STAU2: variants seen among roughly 807,000 people sequenced by gnomAD.
STAU2 encodes the protein staufen double-stranded RNA binding protein 2, also known as double-stranded RNA-binding protein Staufen homolog 2.
In STAU2, 20 loss-of-function variants were observed where a neutral mutation model predicts 65.9. The ratio of observed to expected loss-of-function variants is 0.30; its 90% CI spans 0.21 to 0.44. The LOEUF (loss-of-function observed/expected upper bound fraction) is 0.44, where lower values mean the gene tolerates loss of function less well. Ranked by LOEUF, STAU2 falls within the 20% of genes least tolerant of loss-of-function variation. The probability of loss-of-function intolerance (pLI) is 1.00; values close to 1 mark genes in which losing one functional copy is unlikely to be tolerated. For synonymous variants in STAU2, 232 were observed against 233.9 expected (o/e 0.99, Z 0.07); for missense variants, 558 against 683.9 (o/e 0.82, Z 2.05).
At chr8:73,588,631 G>A (rs1407404435) in intron 11 of STAU2, among the ~76,000 whole-genome samples, 1 of 152,170 alleles carries the variant, frequency 6.6e-6, no homozygotes. Context: ...GGCAAAGGCA[G>A]GAAATTCTCT....
intron 12 of STAU2, among the ~76,000 whole-genome samples, chr8:73,580,647 A>G (rs1344623417): frequency 6.6e-6 from 1 of 152,252 alleles, no homozygotes; most frequent in African/African-American, 2.4e-5. Flanking sequence ...CATCTGAATG[A>G]TCAATTCCTA....
intron 5 of STAU2, among the ~76,000 whole-genome samples, chr8:73,675,933 G>C (rs1818004469): frequency 6.6e-6 from 1 of 152,098 alleles, no homozygotes; most frequent in Non-Finnish European, 1.5e-5. Context: ...ATATTAAGGG[G>C]TAATGGGACA....
Position 73,577,270 on chromosome 8 carries a change from T to C in STAU2, c.1222+5500A>G, listed in dbSNP as rs187367809. On this transcript the variant is annotated intron_variant, in intron 12 of 14. Transcript: ENST00000524300. ...AATGAAACCCCGTCTCTACTAAAAA[T>C]ACAAAAAATTAGCCGGGCGTGGTGG... Among the ~76,000 whole-genome samples, 534 of 151,806 alleles carry C rather than the reference T, an allele frequency of 3.5e-3. 20 individuals carry two copies. In the East Asian group the frequency reaches 0.078, roughly 22 times the overall value.
intron 5 of STAU2, among the ~76,000 whole-genome samples, chr8:73,688,074 A>C (rs1354053477): frequency 6.6e-6 from 1 of 151,926 alleles, no homozygotes; most frequent in African/African-American, 2.4e-5. Context: ...GTATTCAAAT[A>C]TGTTTTTGCC....
chr8:73,687,534 A>G (rs57218396), intron 5 of STAU2, among the ~76,000 whole-genome samples: 27,153 of 143,456 alleles, frequency 0.19, 2,853 homozygotes, highest in East Asian at 0.36. Flanking sequence ...TTTAAACTAT[A>G]TATTTAAAAA....
chr8:73,548,748 T>C (rs886385541), intron 13 of STAU2, among the ~76,000 whole-genome samples: 4 of 152,180 alleles, frequency 2.6e-5, no homozygotes, highest in Non-Finnish European at 5.9e-5. Context: ...TGTTACACTA[T>C]ACTCGGAAGG....
At chr8:73,595,063 A>T in intron 11 of STAU2, 103 bp downstream of exon 11, 2 of 1,018,732 alleles carry the variant, frequency 2.0e-6, no homozygotes, top group South Asian at 4.3e-5. Context: ...TGCCTCAGAA[A>T]AGTTAAAATT....
intron 13 of STAU2, among the ~76,000 whole-genome samples, chr8:73,506,132 T>A (rs1402941593): frequency 6.6e-6 from 1 of 152,182 alleles, no homozygotes; most frequent in African/African-American, 2.4e-5. Flanking sequence ...CCTCAGGTAT[T>A]TCTTTATAGC....
intron 13 of STAU2, among the ~76,000 whole-genome samples, chr8:73,443,099 T>C (rs1326332945): frequency 6.6e-6 from 1 of 152,144 alleles, no homozygotes; most frequent in Non-Finnish European, 1.5e-5. Context: ...TGACATTCAA[T>C]TGGATAGAAT....
At chr8:73,555,312 G>A (rs550454931) in intron 12 of STAU2, among the ~76,000 whole-genome samples, 1 of 119,492 alleles carries the variant, frequency 8.4e-6, no homozygotes, top group Non-Finnish European at 1.7e-5. Flanking sequence ...GAAACCTCAG[G>A]CCATGCCTTA....
chr8:73,445,148 T>C (rs16938660), intron 13 of STAU2, among the ~76,000 whole-genome samples: 5 of 152,206 alleles, frequency 3.3e-5, no homozygotes, highest in Non-Finnish European at 7.3e-5. Context: ...AGCAGGACTA[T>C]AGAACTTTAG....
intron 3 of STAU2, among the ~76,000 whole-genome samples, chr8:73,713,452 A>G (rs1265053703): frequency 2.0e-5 from 3 of 152,180 alleles, no homozygotes; most frequent in Non-Finnish European, 2.9e-5. Flanking sequence ...GACAAACACA[A>G]TAAATCACAA....
At chr8:73,421,626 T>C (rs1335500363) in intron 14 of STAU2, among the ~76,000 whole-genome samples, 161 bp from the exon 15 acceptor site, 2 of 152,230 alleles carry the variant, frequency 1.3e-5, no homozygotes, top group African/African-American at 2.4e-5. Flanking sequence ...GATGAGATCA[T>C]GTGGAAATGT....
At chr8:73,643,087 AT>A (rs2130144518) in intron 6 of STAU2, among the ~76,000 whole-genome samples, 1 of 152,296 alleles carries the variant, frequency 6.6e-6, no homozygotes, top group South Asian at 2.1e-4. Flanking sequence ...AGACATGTCT[AT>A]CCCCGAAGTC....
chr8:73,696,793 G>A (rs1819717775), intron 4 of STAU2, among the ~76,000 whole-genome samples: 1 of 152,106 alleles, frequency 6.6e-6, no homozygotes. Flanking sequence ...AGAAAAGGTA[G>A]AAAAAGAGAT....
intron 13 of STAU2, among the ~76,000 whole-genome samples, chr8:73,542,134 T>C (rs1301428459): frequency 6.6e-6 from 1 of 152,128 alleles, no homozygotes; most frequent in African/African-American, 2.4e-5. Context: ...AAAACACTCC[T>C]ACATGTACCA....
chr8:73,482,367 G>A (rs962340531), intron 13 of STAU2, among the ~76,000 whole-genome samples: 5 of 151,874 alleles, frequency 3.3e-5, no homozygotes, highest in African/African-American at 1.2e-4. Context: ...CTTTTTTTTA[G>A]TTGAAAAATT....
intron 13 of STAU2, among the ~76,000 whole-genome samples, chr8:73,426,096 A>G (rs529655590): frequency 2.8e-4 from 42 of 152,022 alleles, no homozygotes; most frequent in African/African-American, 9.6e-4. Context: ...CCCAGCCTCC[A>G]TATCACTTAG....
chr8:73,495,858 A>G (rs1276259750), intron 13 of STAU2, among the ~76,000 whole-genome samples: 1 of 151,396 alleles, frequency 6.6e-6, no homozygotes, highest in Non-Finnish European at 1.5e-5. Context: ...TTCTCTCACA[A>G]GACTGTCCAC....
Sources: gnomAD v4.1 joint callset for allele counts (sites outside exome capture counted in the v4.1 genomes callset) on GRCh38, gnomAD v4.1.1 for gene constraint, MANE v1.5 for transcripts, NCBI Gene and HGNC (gene_info 2026-07-23, HGNC 2026-07-21) for gene names.